Variants in NDEL1 observed in about 807,000 individuals in gnomAD.
NDEL1 encodes nuclear distribution protein nudE-like 1.
A neutral mutation model predicts 45.7 loss-of-function variants in NDEL1; 9 were observed. That is an observed-to-expected ratio of 0.20 (90% CI 0.12 to 0.34). NDEL1 has a LOEUF of 0.34. Ranked by LOEUF, NDEL1 falls within the 10% of genes least tolerant of loss-of-function variation. The pLI, the probability that NDEL1 is intolerant of heterozygous loss-of-function variation, is 1.00. For missense variants in NDEL1, 306 were observed against 406.2 expected (o/e 0.75, Z 2.12); for synonymous variants, 133 against 158.6 (o/e 0.84, Z 1.21).
intron 1 of NDEL1, among the ~76,000 whole-genome samples, chr17:8,441,625 A>T (rs1414197077): frequency 6.6e-6 from 1 of 152,116 alleles, no homozygotes; most frequent in Non-Finnish European, 1.5e-5. Flanking sequence ...TCTTTTTCTT[A>T]GTGACAGTAG....
chr17:8,424,458 G>A (rs561822864), intron 1 of NDEL1, among the ~76,000 whole-genome samples: 1 of 152,268 alleles, frequency 6.6e-6, no homozygotes, highest in African/African-American at 2.4e-5. Flanking sequence ...CAGAACGCTG[G>A]ATCACAAAGG....
chr17:8,414,302 G>C (rs1392689799), intron 1 of NDEL1, among the ~76,000 whole-genome samples: 1 of 152,132 alleles, frequency 6.6e-6, no homozygotes, highest in Non-Finnish European at 1.5e-5. Context: ...TAAATCCTTA[G>C]ATGTTGGATT....
intron 7 of NDEL1, among the ~76,000 whole-genome samples, chr17:8,455,151 G>A (rs1910748254): frequency 6.6e-6 from 1 of 152,212 alleles, no homozygotes; most frequent in Admixed American, 6.5e-5. Context: ...CGATGCCTCT[G>A]TCCTTGTCTA....
chr17:8,418,342 C>A (rs1318574671), intron 1 of NDEL1, among the ~76,000 whole-genome samples: 1 of 152,226 alleles, frequency 6.6e-6, no homozygotes, highest in Admixed American at 6.5e-5. Flanking sequence ...ACCAGCATGG[C>A]AGGAGACAGT....
rs753186409 is a variant in NDEL1 at position 8,460,119 on chromosome 17, A to C, written c.903A>C (p.Thr301=). The change falls in exon 8 of 9, where the codon ACA becomes ACC. Residue 301 remains threonine (T), a synonymous_variant. Transcript: ENST00000334527. ...GTGGGGTGCTGAATGGCAATGGCAC[A>C]AAGTTCTCTCGATCAGGGCATACAT... ...VNCGVLNGNG[T]KFSRSGHTSF... is the part of the protein sequence containing the mutation. 6.2e-7 allele frequency: 1 copy of C among 1,614,190 alleles called. No homozygotes were observed. Among genetic ancestry groups the C allele is most frequent in the Non-Finnish European group, 8.5e-7 (1 of 1,180,034 alleles).
intron 1 of NDEL1, among the ~76,000 whole-genome samples, chr17:8,438,637 T>TCA (rs1427875509): frequency 6.6e-6 from 1 of 151,864 alleles, no homozygotes; most frequent in African/African-American, 2.4e-5. Flanking sequence ...CACCACAGTC[T>TCA]CACGAGTAGC....
chr17:8,454,078 A>G (rs1468502409), intron 6 of NDEL1, among the ~76,000 whole-genome samples: 1 of 152,206 alleles, frequency 6.6e-6, no homozygotes, highest in African/African-American at 2.4e-5. Flanking sequence ...TAAATGATCT[A>G]AATGTAAAAA....
intron 8 of NDEL1, chr17:8,463,443 C>G: frequency 7.9e-7 from 1 of 1,261,674 alleles, no homozygotes; most frequent in Non-Finnish European, 1.1e-6. Flanking sequence ...GTTTTACTAA[C>G]TGCATGGGGC....
rs1908730538 is a variant in NDEL1, at chr17:8,422,613, T to C, written c.-13+9344T>C. Among the ~76,000 whole-genome samples the C allele has an allele frequency of 2.0e-5, 3 of 152,246 alleles. No individual in the cohort carries two copies. In the South Asian group the frequency reaches 6.2e-4, roughly 32 times the overall value. On this transcript the variant is annotated intron_variant, in intron 1 of 4. Coordinates refer to the NDEL1 transcript ENST00000582812. ...ATGTTTCAGGTCTGCAATTCAGTGTTTATGAGTAAAAATCCACCTCTATAG... is the reference window on the plus strand; with the variant it reads ...ATGTTTCAGGTCTGCAATTCAGTGTCTATGAGTAAAAATCCACCTCTATAG...
chr17:8,420,174 G>A (rs907666564), intron 1 of NDEL1, among the ~76,000 whole-genome samples: 1 of 152,150 alleles, frequency 6.6e-6, no homozygotes, highest in Non-Finnish European at 1.5e-5. Flanking sequence ...CCTTGGAGAC[G>A]TTGCTTAACC....
chr17:8,447,076 G>A (rs573445623), intron 4 of NDEL1, among the ~76,000 whole-genome samples, 174 bp downstream of exon 4: 1 of 152,076 alleles, frequency 6.6e-6, no homozygotes, highest in Admixed American at 6.6e-5. Flanking sequence ...CCCAGATAAC[G>A]CCCTTCAAAG....
Position 8,444,071 on chromosome 17 carries a change from T to C in NDEL1, c.-12-189T>C, listed in dbSNP as rs1024067. 1.5e-3 allele frequency: 747 copies of C among 494,718 alleles called. 3 individuals are homozygous for C. Among genetic ancestry groups the C allele is most frequent in the Middle Eastern group, 5.5e-3 (10 of 1,832 alleles). The allele number at this position is 494,718 out of a possible 1,614,324, so 30.6% of individuals were successfully genotyped here. Reference sequence around the variant, plus strand: ...ACCTTTGTCATGATCTCATTCACAATATTGGTGGTCCCTGAGAGTGGAGCA... The same window carrying C: ...ACCTTTGTCATGATCTCATTCACAACATTGGTGGTCCCTGAGAGTGGAGCA... On this transcript the variant is annotated intron_variant, in intron 1 of 8. Coordinates refer to ENST00000334527, the MANE Select transcript of NDEL1 (RefSeq NM_030808.5).
chr17:8,459,298 A>G (rs1405936812), intron 7 of NDEL1, among the ~76,000 whole-genome samples: 1 of 152,154 alleles, frequency 6.6e-6, no homozygotes, highest in Non-Finnish European at 1.5e-5. Context: ...GAAATACATG[A>G]GAAACGCCTG....
intron 1 of NDEL1, among the ~76,000 whole-genome samples, chr17:8,415,688 G>T (rs946068639): frequency 4.0e-5 from 6 of 151,860 alleles, no homozygotes; most frequent in Admixed American, 1.3e-4. Context: ...GTCTCCCAGC[G>T]CTGGGATTAC....
intron 1 of NDEL1, among the ~76,000 whole-genome samples, chr17:8,422,644 G>A (rs990525340): frequency 1.3e-5 from 2 of 152,148 alleles, no homozygotes; most frequent in Non-Finnish European, 2.9e-5. Flanking sequence ...TATAGTATAG[G>A]CACTCCTGAG....
chr17:8,463,439 C>G, intron 8 of NDEL1: 1 of 1,337,356 alleles, frequency 7.5e-7, no homozygotes, highest in Non-Finnish European at 1.1e-6. Flanking sequence ...TCTGGTTTTA[C>G]TAACTGCATG....
intron 7 of NDEL1, among the ~76,000 whole-genome samples, chr17:8,458,413 A>G (rs1910986898): frequency 6.6e-6 from 1 of 151,830 alleles, no homozygotes; most frequent in South Asian, 2.1e-4. Context: ...CCCCCCTCAA[A>G]AGACCTGGTG....
upstream of NDEL1, chr17:8,435,810 G>T: frequency 2.5e-6 from 1 of 398,992 alleles, no homozygotes; most frequent in Non-Finnish European, 4.9e-6. Flanking sequence ...ACCCCGCCCC[G>T]CATACCCGTG....
chr17:8,442,007 C>T (rs1909765729), intron 1 of NDEL1, among the ~76,000 whole-genome samples: 1 of 152,040 alleles, frequency 6.6e-6, no homozygotes, highest in South Asian at 2.1e-4. Context: ...CTAAAATTTT[C>T]TTATTCATGC....
Sources: allele counts gnomAD v4.1 joint callset (sites outside exome capture counted in the v4.1 genomes callset), GRCh38; gene constraint gnomAD v4.1.1; transcripts MANE v1.5; gene names NCBI Gene and HGNC (gene_info 2026-07-23, HGNC 2026-07-21).